TNIP1: variants seen among roughly 807,000 people sequenced by gnomAD.
The protein encoded by TNIP1 is TNFAIP3 interacting protein 1.
TNIP1 carries 22 observed loss-of-function variants against 86.6 expected under a neutral mutation model. That is an observed-to-expected ratio of 0.25 (90% confidence interval 0.18 to 0.36). The LOEUF (loss-of-function observed/expected upper bound fraction) is 0.36. TNIP1 is among the 10% of genes least tolerant of loss of function. The pLI, the probability that TNIP1 is intolerant of heterozygous loss-of-function variation, is 1.00. For missense variants in TNIP1, 709 were observed against 820.6 expected, an observed-to-expected ratio of 0.86 and a Z score of 1.66; for synonymous variants, 294 against 313.0, an observed-to-expected ratio of 0.94 and a Z score of 0.64.
chr5:151,071,790 T>C (rs573647553), intron 1 of TNIP1, among the ~76,000 whole-genome samples: 2,444 of 150,102 alleles, frequency 0.016, 76 homozygotes, highest in African/African-American at 0.058. Context: ...CCCTCCCGAG[T>C]CACCCACAAA....
At chr5:151,033,122 C>A in intron 16 of TNIP1, among the ~76,000 whole-genome samples, 1 of 28,490 alleles carries the variant, frequency 3.5e-5, no homozygotes. Context: ...AGTGAAATTC[C>A]ATCTCAAAAA....
intron 8 of TNIP1, chr5:151,046,387 A>G (rs973904920): frequency 6.4e-6 from 1 of 157,028 alleles, no homozygotes; most frequent in Non-Finnish European, 1.4e-5. Flanking sequence ...AACTTTTACA[A>G]AAGTTGAAGT....
chr5:151,061,403 G>A (rs1761548900), intron 4 of TNIP1, among the ~76,000 whole-genome samples: 1 of 151,948 alleles, frequency 6.6e-6, no homozygotes, highest in African/African-American at 2.4e-5. Flanking sequence ...CCCTGCACCT[G>A]ATCTGTAGGA....
intron 5 of TNIP1, among the ~76,000 whole-genome samples, chr5:151,059,570 A>G (rs2042234): frequency 0.11 from 16,727 of 152,248 alleles, 1,078 homozygotes; most frequent in African/African-American, 0.18. Flanking sequence ...ACAATTAAAG[A>G]AAAAAACTTA....
At chr5:151,065,890 G>A (rs192931632) in intron 1 of TNIP1, among the ~76,000 whole-genome samples, 75 of 152,240 alleles carry the variant, frequency 4.9e-4, no homozygotes, top group Non-Finnish European at 9.1e-4. Context: ...TGAGCACCAA[G>A]GTTTTTTTTT....
chr5:151,035,573 C>T lies in TNIP1; in HGVS notation c.1521+9G>A, dbSNP rs1383218206. ...GCCAGTTGCCCTTCCTGGGTCCAGT[C>T]ACTCTTACCTGGGCATTTGACAGGG... On this transcript the variant is annotated intron_variant, in intron 14 of 17. Coordinates refer to ENST00000521591, the MANE Select transcript of TNIP1 (RefSeq NM_006058.5). The T allele has an allele frequency of 5.0e-6, 8 of 1,614,188 alleles. No homozygotes were observed. The highest frequency in any genetic ancestry group is 6.8e-6 in the Non-Finnish European group (8 of 1,180,022).
At chr5:151,055,678 C>T (rs546813392) in intron 6 of TNIP1, among the ~76,000 whole-genome samples, 5 of 152,318 alleles carry the variant, frequency 3.3e-5, no homozygotes, top group South Asian at 4.1e-4. Flanking sequence ...TTCATGCCCT[C>T]GGCAACCAAG....
chr5:151,060,855 C>T (rs1761471003), intron 4 of TNIP1, among the ~76,000 whole-genome samples: 1 of 152,212 alleles, frequency 6.6e-6, no homozygotes, highest in African/African-American at 2.4e-5. Flanking sequence ...GCATTCCTGC[C>T]ACGGCCCCAG....
intron 16 of TNIP1, 148 bp from the exon 17 acceptor site, chr5:151,032,531 A>G (rs1247054050): frequency 2.6e-6 from 2 of 765,492 alleles, no homozygotes; most frequent in Non-Finnish European, 4.4e-6. Context: ...TTCACAGGTA[A>G]GGAATCTGAG....
intron 12 of TNIP1, 21 bp from the exon 13 acceptor site, chr5:151,036,942 G>C (rs1370094609): frequency 1.3e-6 from 2 of 1,577,244 alleles, no homozygotes; most frequent in African/African-American, 2.7e-5. Flanking sequence ...GAAAAGATGG[G>C]ACCATCAGCA....
At chr5:151,066,271 C>T (rs1047005177) in intron 1 of TNIP1, among the ~76,000 whole-genome samples, 11 of 152,242 alleles carry the variant, frequency 7.2e-5, no homozygotes, top group African/African-American at 2.7e-4. Context: ...GAAGGAAGAA[C>T]ATTCTTTGCA....
chr5:151,059,828 A>AGTGTGTGTGTGTGTGT (rs760868810), intron 5 of TNIP1, among the ~76,000 whole-genome samples: 1 of 56,422 alleles, frequency 1.8e-5, no homozygotes, highest in East Asian at 7.0e-4. Flanking sequence ...AGAGAGAGAG[A>AGTGTGTGTGTGTGTGT]GTGTGTGTGT....
At chr5:151,075,388 T>C (rs527395389) in intron 1 of TNIP1, among the ~76,000 whole-genome samples, 7 of 152,182 alleles carry the variant, frequency 4.6e-5, no homozygotes, top group Admixed American at 1.3e-4. Context: ...GGGGGGTACA[T>C]GTGCAGGTTT....
At chr5:151,043,054 G>T in intron 9 of TNIP1, 93 bp from the exon 10 acceptor site, 1 of 1,313,936 alleles carries the variant, frequency 7.6e-7, no homozygotes, top group Non-Finnish European at 1.1e-6. Flanking sequence ...CCCAAGGTGT[G>T]CTCGGTGTGT....
chr5:151,032,630 A>C, intron 16 of TNIP1: 1 of 536,902 alleles, frequency 1.9e-6, no homozygotes, highest in East Asian at 3.3e-5. Context: ...ATCCAGAGCC[A>C]ATCTCTTAAG....
chr5:151,043,458 C>A (rs1758718877), intron 9 of TNIP1, among the ~76,000 whole-genome samples: 1 of 152,154 alleles, frequency 6.6e-6, no homozygotes, highest in Admixed American at 6.5e-5. Context: ...TATAAACAGA[C>A]AATGTGCAGC....
intron 1 of TNIP1, among the ~76,000 whole-genome samples, chr5:151,066,761 C>T (rs745553866): frequency 6.6e-6 from 1 of 152,112 alleles, no homozygotes; most frequent in East Asian, 1.9e-4. Context: ...ATGACCCGGC[C>T]GCAATAAGAG....
rs1757206302 is a variant in TNIP1 at position 151,033,601 on chromosome 5, G to A, written c.1779+7C>T. The A allele has an allele frequency of 7.5e-7, 1 of 1,336,270 alleles. No individual in the cohort carries two copies. Among genetic ancestry groups the A allele is most frequent in the African/African-American group, 1.5e-5 (1 of 65,696 alleles). The allele number at this position is 1,336,270 out of a possible 1,614,324, so 82.8% of individuals were successfully genotyped here. On this transcript the variant is annotated splice_region_variant and intron_variant, in intron 16 of 17. Coordinates refer to ENST00000521591, the MANE Select transcript of TNIP1 (RefSeq NM_006058.5). The stretch of plus-strand genomic sequence containing the variant: ...TGCCCTGGAGCAAGGGAGGGACACA[G>A]ACTCACCAGATGGAAGAGGCGCGAG...
At chr5:151,068,869 A>C (rs922223747) in intron 1 of TNIP1, among the ~76,000 whole-genome samples, 2 of 152,188 alleles carry the variant, frequency 1.3e-5, no homozygotes, top group African/African-American at 4.8e-5. Flanking sequence ...CAGGTGCTCC[A>C]CCAGCAGTGG....
Sources: allele counts gnomAD v4.1 joint callset (sites outside exome capture counted in the v4.1 genomes callset), GRCh38; gene constraint gnomAD v4.1.1; transcripts MANE v1.5; gene names NCBI Gene and HGNC (gene_info 2026-07-23, HGNC 2026-07-21).